The following MINDY2 variants were observed in gnomAD, a reference collection of about 807,000 sequenced individuals.
The protein encoded by MINDY2 is MINDY lysine 48 deubiquitinase 2.
In MINDY2, 52 loss-of-function variants were observed where a neutral mutation model predicts 68.2. The observed-to-expected ratio is 0.76, with a 90% CI of 0.61 to 0.96. The LOEUF is 0.96. Among genes scored for constraint, MINDY2 ranks in the 40% least tolerant of loss-of-function variants. MINDY2 has a pLI of 0.00. For synonymous variants in MINDY2, 372 were observed against 303.0 expected, an observed-to-expected ratio of 1.23 and a Z score of -2.36; for missense variants, 881 against 773.4, an observed-to-expected ratio of 1.14 and a Z score of -1.65.
chr15:58,810,650 T>C (rs1336589233), intron 4 of MINDY2, among the ~76,000 whole-genome samples: 5 of 152,006 alleles, frequency 3.3e-5, no homozygotes, highest in Non-Finnish European at 7.4e-5. Flanking sequence ...CTCACACCAA[T>C]CACAAGTTCA....
At chr15:58,820,125 G>T (rs559755087) in intron 4 of MINDY2, among the ~76,000 whole-genome samples, 4 of 152,212 alleles carry the variant, frequency 2.6e-5, no homozygotes, top group African/African-American at 9.6e-5. Flanking sequence ...AATTAGTTGG[G>T]CATGGTGGCG....
At chr15:58,817,869 T>C (rs1490499112) in intron 4 of MINDY2, 1 of 152,266 alleles carries the variant, frequency 6.6e-6, no homozygotes, top group African/African-American at 2.4e-5. Flanking sequence ...AAGTTGATGC[T>C]AAGCATTCCT....
chr15:58,811,942 C>T (rs571443580), intron 4 of MINDY2, among the ~76,000 whole-genome samples: 1 of 152,110 alleles, frequency 6.6e-6, no homozygotes, highest in Admixed American at 6.6e-5. Flanking sequence ...CACTTACTTA[C>T]ATTTTTTAAC....
chr15:58,847,292 T>G lies in MINDY2; in HGVS notation c.1369-5T>G. On this transcript the variant is annotated splice_polypyrimidine_tract_variant and splice_region_variant and intron_variant, in intron 6 of 8. Transcript: ENST00000559228. ...GTCCTTTTTCTTTTGTTACTTCTTA[T>G]TAAGGGTCAACTGTATTTGTTGGTA... 6.5e-7 allele frequency: 1 copy of G among 1,547,728 alleles called. No individual in the cohort carries two copies. The highest frequency in any genetic ancestry group is 2.3e-5 in the East Asian group (1 of 43,738).
intron 4 of MINDY2, among the ~76,000 whole-genome samples, chr15:58,812,219 T>C (rs2030329508): frequency 6.6e-6 from 1 of 151,018 alleles, no homozygotes; most frequent in Admixed American, 6.6e-5. Flanking sequence ...GGGTGGATCA[T>C]GAAGTCAGGA....
chr15:58,808,064 TC>T (rs2029937811), intron 3 of MINDY2, among the ~76,000 whole-genome samples: 1 of 151,458 alleles, frequency 6.6e-6, no homozygotes, highest in South Asian at 2.1e-4. Flanking sequence ...CATCCTTCCT[TC>T]CTTTTCAGTG....
At position 58,794,358 on chromosome 15, in the gene MINDY2, G is replaced by GGTGTGTGT. The variant is rs3985718; in HGVS notation, c.898+6426_898+6433dup. ...AAAGTAGAATAAAAGTTTTTTTTGG[G>GGTGTGTGT]GTGTGTGTGTGTGTGTGTGTGTGTG... On this transcript the variant is annotated intron_variant, in intron 2 of 8. Coordinates refer to ENST00000559228, the MANE Select transcript of MINDY2 (RefSeq NM_001040450.3). Among the ~76,000 whole-genome samples the GGTGTGTGT allele has an allele frequency of 7.6e-3, 1,057 of 139,170 alleles. 11 individuals are homozygous for GGTGTGTGT. Among genetic ancestry groups the GGTGTGTGT allele is most frequent in the African/African-American group, 0.019 (684 of 36,578 alleles). 91.3% of individuals were successfully genotyped at this position (139,170 alleles called of 152,430 possible). A position where few individuals can be genotyped will look rare whatever the true frequency, so the allele number is the denominator to read the frequency against.
intron 4 of MINDY2, among the ~76,000 whole-genome samples, chr15:58,811,474 T>C (rs1389025454): frequency 6.6e-5 from 10 of 152,300 alleles, no homozygotes; most frequent in Non-Finnish European, 1.2e-4. Context: ...AAGTAAGAGA[T>C]GGTGTAGCAT....
intron 6 of MINDY2, among the ~76,000 whole-genome samples, chr15:58,845,690 TC>T (rs1457757436): frequency 6.6e-6 from 1 of 152,106 alleles, no homozygotes; most frequent in African/African-American, 2.4e-5. Context: ...GCAATCCCAC[TC>T]CTAAGAATAT....
At chr15:58,836,359 A>G (rs1551445) in intron 6 of MINDY2, among the ~76,000 whole-genome samples, 24,701 of 151,582 alleles carry the variant, frequency 0.16, 2,228 homozygotes, top group South Asian at 0.34. Context: ...ACTTGTCCCC[A>G]GAATAGTTCT....
At chr15:58,781,247 T>C (rs1901123464) in intron 1 of MINDY2, among the ~76,000 whole-genome samples, 1 of 152,068 alleles carries the variant, frequency 6.6e-6, no homozygotes, top group African/African-American at 2.4e-5. Flanking sequence ...AGACAGGGTT[T>C]TACCATGTTG....
chr15:58,854,964 G>A lies in MINDY2; in HGVS notation c.*354G>A, dbSNP rs896629665. 6.4e-6 allele frequency: 1 copy of A among 156,474 alleles called. No individual in the cohort carries two copies. The highest frequency in any genetic ancestry group is 2.4e-5 in the African/African-American group (1 of 41,566). The allele number at this position is 156,474 out of a possible 1,614,324, so 9.7% of individuals were successfully genotyped here. A position where few individuals can be genotyped will look rare whatever the true frequency, so the allele number is the denominator to read the frequency against. ...ATCTTCTGTTCTAACAATGAATGGAGGTAATTGATTTAGTCTGATTCCTTC... is the reference window on the plus strand; with the variant it reads ...ATCTTCTGTTCTAACAATGAATGGAAGTAATTGATTTAGTCTGATTCCTTC... On this transcript the variant is annotated 3_prime_UTR_variant, in exon 9 of 9. Transcript: ENST00000559228.
chr15:58,819,938 G>GAAT (rs2030953215), intron 4 of MINDY2, among the ~76,000 whole-genome samples: 1 of 152,068 alleles, frequency 6.6e-6, no homozygotes, highest in African/African-American at 2.4e-5. Context: ...ATTGACCATT[G>GAAT]AATACATTTT....
chr15:58,852,305 A>AAAAAAAAAAAAAAAAAAAAAAAT (rs1567079316), intron 8 of MINDY2, among the ~76,000 whole-genome samples: 1 of 150,278 alleles, frequency 6.7e-6, no homozygotes, highest in Non-Finnish European at 1.5e-5. Context: ...AAAAAAAAAA[A>AAAAAAAAAAAAAAAAAAAAAAAT]GATGATCACT....
chr15:58,808,764 C>T (rs2030002260), intron 3 of MINDY2, among the ~76,000 whole-genome samples: 1 of 152,108 alleles, frequency 6.6e-6, no homozygotes, highest in African/African-American at 2.4e-5. Flanking sequence ...ACCACCATGC[C>T]CGACTAATTT....
intron 4 of MINDY2, among the ~76,000 whole-genome samples, chr15:58,820,889 ATTTG>A (rs1671535701): frequency 6.6e-6 from 1 of 151,842 alleles, no homozygotes; most frequent in South Asian, 2.1e-4. Context: ...TAAAATTTGT[ATTTG>A]TTTTATTAGA....
At position 58,831,926 on chromosome 15, in the gene MINDY2, A is replaced by G. The variant is rs534600026; in HGVS notation, c.1368+10A>G. 3.7e-6 allele frequency: 6 copies of G among 1,604,196 alleles called. No individual in the cohort carries two copies. In the African/African-American group the frequency reaches 6.7e-5, roughly 18 times the overall value. ...CATGACCAAATACAAGGTATGATAT[A>G]GAAATAGCTATTTAATCGTGATTCT... On this transcript the variant is annotated intron_variant, in intron 6 of 8. Transcript: ENST00000559228.
intron 2 of MINDY2, among the ~76,000 whole-genome samples, chr15:58,794,358 GGTGTGTGTGTGT>G (rs3985718): frequency 3.1e-4 from 43 of 139,180 alleles, no homozygotes; most frequent in East Asian, 1.5e-3. Context: ...TTTTTTTTGG[GGTGTGTGTGTGT>G]GTGTGTGTGT....
At chr15:58,799,565 C>CGA (rs1276676057) in intron 2 of MINDY2, among the ~76,000 whole-genome samples, 110 of 130,130 alleles carry the variant, frequency 8.5e-4, no homozygotes, top group African/African-American at 3.2e-3. Flanking sequence ...GGCGACAGAG[C>CGA]GAGACTCCAT....
Sources: allele counts gnomAD v4.1 joint callset (sites outside exome capture counted in the v4.1 genomes callset), GRCh38; gene constraint gnomAD v4.1.1; transcripts MANE v1.5; gene names NCBI Gene and HGNC (gene_info 2026-07-23, HGNC 2026-07-21).